The following TBC1D19 variants were observed in gnomAD, a reference collection of about 807,000 sequenced individuals.
TBC1D19 encodes the protein TBC1 domain family, member 19.
In TBC1D19, 60 loss-of-function variants were observed where a neutral mutation model predicts 89.0. That is an observed-to-expected ratio of 0.67 (90% confidence interval 0.55 to 0.84). The LOEUF is 0.84. Ranked by LOEUF, TBC1D19 falls within the 40% of genes least tolerant of loss-of-function variation. The pLI, the probability that TBC1D19 is intolerant of heterozygous loss-of-function variation, is 0.00. For missense variants in TBC1D19, 500 were observed against 610.8 expected (o/e 0.82, Z 1.91); for synonymous variants, 189 against 199.7 (o/e 0.95, Z 0.45).
intron 1 of TBC1D19, among the ~76,000 whole-genome samples, chr4:26,597,334 G>A: frequency 6.6e-6 from 1 of 152,050 alleles, no homozygotes; most frequent in Non-Finnish European, 1.5e-5. Context: ...TTTATCTCTA[G>A]TGAGGCTCTT....
chr4:26,604,148 CTTTTTTTTTTTTT>C (rs1173641270), intron 1 of TBC1D19, among the ~76,000 whole-genome samples: 1 of 120,726 alleles, frequency 8.3e-6, no homozygotes, highest in African/African-American at 3.6e-5. Flanking sequence ...TTTTCTTTTT[CTTTTTTTTTTTTT>C]TTTTTTTTTT....
intron 13 of TBC1D19, among the ~76,000 whole-genome samples, chr4:26,706,585 GT>G (rs2109228700): frequency 6.6e-6 from 1 of 151,976 alleles, no homozygotes; most frequent in African/African-American, 2.4e-5. Context: ...TTCTAGCCTA[GT>G]TTGCCCATTT....
intron 4 of TBC1D19, among the ~76,000 whole-genome samples, chr4:26,628,694 A>C (rs1233418844): frequency 6.6e-6 from 1 of 152,034 alleles, no homozygotes; most frequent in Non-Finnish European, 1.5e-5. Context: ...CAAAAATCAC[A>C]AGCATTCTTA....
chr4:26,734,990 A>ATATATGTATACACATATG (rs1560503879), intron 15 of TBC1D19, among the ~76,000 whole-genome samples: 15 of 78,812 alleles, frequency 1.9e-4, no homozygotes, highest in Non-Finnish European at 3.8e-4. Flanking sequence ...ATGTATATGT[A>ATATATGTATACACATATG]TATATGTATA....
At chr4:26,604,740 G>A (rs2109992327) in intron 1 of TBC1D19, among the ~76,000 whole-genome samples, 1 of 151,904 alleles carries the variant, frequency 6.6e-6, no homozygotes, top group Middle Eastern at 3.4e-3. Flanking sequence ...AATTAGCCGG[G>A]CATGGTGGCG....
the TBC1D19 span, among the ~76,000 whole-genome samples, chr4:26,782,665 A>G: frequency 6.6e-6 from 1 of 152,214 alleles, no homozygotes; most frequent in Admixed American, 6.5e-5. Context: ...TGGCTATGCC[A>G]GTGTTTCTAG....
chr4:26,774,098 T>C, the TBC1D19 span, among the ~76,000 whole-genome samples: 1 of 152,214 alleles, frequency 6.6e-6, no homozygotes, highest in East Asian at 1.9e-4. Context: ...AGGTCCATAA[T>C]ACACCAGGAG....
chr4:26,647,060 T>G (rs1488574352), intron 7 of TBC1D19, among the ~76,000 whole-genome samples: 1 of 152,212 alleles, frequency 6.6e-6, no homozygotes, highest in Non-Finnish European at 1.5e-5. Flanking sequence ...GAAGACATGA[T>G]GAGTGTCTGA....
At chr4:26,656,996 T>TCTTCTTCTTCTC in intron 7 of TBC1D19, among the ~76,000 whole-genome samples, 1 of 119,666 alleles carries the variant, frequency 8.4e-6, no homozygotes, top group Non-Finnish European at 1.7e-5. Flanking sequence ...TTCTTCTCCT[T>TCTTCTTCTTCTC]CTCCTTCTCC....
intron 13 of TBC1D19, 83 bp from the exon 14 acceptor site, chr4:26,717,850 G>T: frequency 9.1e-7 from 1 of 1,101,880 alleles, no homozygotes; most frequent in East Asian, 2.4e-5. Flanking sequence ...GAACTTGAAG[G>T]ATGCCTCCTG....
chr4:26,584,137 C>A lies in TBC1D19; in HGVS notation c.-57C>A. The A allele has an allele frequency of 6.4e-7, 1 of 1,556,658 alleles. No individual in the cohort carries two copies. The highest frequency in any genetic ancestry group is 8.7e-7 in the Non-Finnish European group (1 of 1,143,084). ...CTGGCCCTGAGTGGGACCCGGTAGC[C>A]CGTTCGCTCCGCGCCGGCGGCCTGT... On this transcript the variant is annotated 5_prime_UTR_variant, in exon 1 of 21. Transcript: ENST00000264866.
rs777085241 is a variant in TBC1D19 at position 26,720,082 on chromosome 4, A to T, written c.1041A>T (p.Gly347=). 3.1e-6 allele frequency: 5 copies of T among 1,600,110 alleles called. No homozygotes were observed. In the East Asian group the frequency reaches 1.1e-4, roughly 36 times the overall value. The change falls in exon 15 of 21, where the codon GGA becomes GGT. Residue 347 remains glycine (G), a splice_region_variant and synonymous_variant. Transcript: ENST00000264866. ...SASPPKSYIR[G]KLGLEEYAVF... ...ATCCTCTATGGTTTTCTCTTATAGG[A>T]AAACTAGGACTGGAAGAATATGCTG...
intron 18 of TBC1D19, among the ~76,000 whole-genome samples, chr4:26,747,051 T>C (rs1353758364): frequency 6.6e-6 from 1 of 152,228 alleles, no homozygotes; most frequent in African/African-American, 2.4e-5. Flanking sequence ...TTATGGATTA[T>C]TTCTGGAATT....
chr4:26,769,224 A>AT, the TBC1D19 span, among the ~76,000 whole-genome samples: 4 of 152,170 alleles, frequency 2.6e-5, no homozygotes, highest in African/African-American at 9.6e-5. Context: ...TGAAATAAAG[A>AT]TTTTTTCTCA....
the TBC1D19 span, among the ~76,000 whole-genome samples, chr4:26,855,393 AAAT>A: frequency 1.3e-5 from 2 of 152,222 alleles, no homozygotes; most frequent in African/African-American, 4.8e-5. Context: ...TTAAGGGTTT[AAAT>A]AATAATAGCT....
chr4:26,656,982 CT>C (rs1204809351), intron 7 of TBC1D19, among the ~76,000 whole-genome samples: 4 of 113,004 alleles, frequency 3.5e-5, no homozygotes, highest in East Asian at 5.1e-4. Context: ...TCTTCTTCTT[CT>C]TCTTCTTCTC....
intron 9 of TBC1D19, among the ~76,000 whole-genome samples, chr4:26,671,796 A>G (rs1712333283): frequency 6.6e-6 from 1 of 151,866 alleles, no homozygotes; most frequent in South Asian, 2.1e-4. Context: ...TTGTATTATG[A>G]GAAGATGTTT....
intron 4 of TBC1D19, among the ~76,000 whole-genome samples, chr4:26,621,400 G>T (rs1461265582): frequency 6.6e-6 from 1 of 152,140 alleles, no homozygotes; most frequent in Non-Finnish European, 1.5e-5. Context: ...CACGTAATGA[G>T]CACCACAGTC....
the TBC1D19 span, among the ~76,000 whole-genome samples, chr4:26,841,250 G>T: frequency 6.6e-6 from 1 of 152,170 alleles, no homozygotes; most frequent in African/African-American, 2.4e-5. Context: ...AGCCAGGCAT[G>T]GTGGCGTGTG....
Sources: gnomAD v4.1 joint callset for allele counts (sites outside exome capture counted in the v4.1 genomes callset) on GRCh38, gnomAD v4.1.1 for gene constraint, MANE v1.5 for transcripts, NCBI Gene and HGNC (gene_info 2026-07-23, HGNC 2026-07-21) for gene names.